KLHDC1: variants seen among roughly 807,000 people sequenced by gnomAD.
KLHDC1 encodes kelch domain-containing protein 1.
KLHDC1 carries 53 observed loss-of-function variants against 68.3 expected under a neutral mutation model. The ratio of observed to expected loss-of-function variants is 0.78; its 90% CI spans 0.62 to 0.98. KLHDC1 has a LOEUF of 0.98. Ranked by LOEUF, KLHDC1 falls within the 50% of genes least tolerant of loss-of-function variation. The probability of loss-of-function intolerance (pLI) is 0.00; values close to 1 mark genes in which losing one functional copy is unlikely to be tolerated. For missense variants in KLHDC1, 470 were observed against 492.3 expected (o/e 0.95, Z 0.43); for synonymous variants, 148 against 159.0 (o/e 0.93, Z 0.52).
intron 4 of KLHDC1, among the ~76,000 whole-genome samples, chr14:49,717,161 A>T (rs1704599041): frequency 6.6e-6 from 1 of 152,202 alleles, no homozygotes; most frequent in Non-Finnish European, 1.5e-5. Context: ...TTTGTGAATA[A>T]TGCTGCTATC....
At chr14:49,734,754 A>G (rs1387204857) in intron 10 of KLHDC1, 93 bp downstream of exon 10, 3 of 532,892 alleles carry the variant, frequency 5.6e-6, no homozygotes, top group African/African-American at 2.0e-5. Context: ...CATTGAAACC[A>G]TAAGCCATTG....
intron 10 of KLHDC1, 37 bp downstream of exon 10, chr14:49,734,698 G>T: frequency 1.6e-6 from 2 of 1,221,860 alleles, no homozygotes; most frequent in Non-Finnish European, 2.4e-6. Flanking sequence ...AAATAGTTAA[G>T]AATTTTTAAA....
intron 4 of KLHDC1, among the ~76,000 whole-genome samples, chr14:49,720,855 G>A (rs1264882383): frequency 1.3e-5 from 2 of 152,038 alleles, no homozygotes; most frequent in African/African-American, 2.4e-5. Context: ...TGTCAAGTTT[G>A]CTGTTAATTA....
In KLHDC1 at chr14:49,709,697, T is replaced by C. The variant is rs1888148091; in HGVS notation, c.168-12T>C. On this transcript the variant is annotated splice_polypyrimidine_tract_variant and intron_variant, in intron 2 of 12. Transcript: ENST00000359332. ...TGGAAAGTTATGGGATTCCATGTTA[T>C]TCTTGCTGCAGGAGAATGCACCTCA... is the stretch of plus-strand genomic sequence containing the variant. The C allele has an allele frequency of 6.8e-7, 1 of 1,478,136 alleles. No individual in the cohort carries two copies. Among genetic ancestry groups the C allele is most frequent in the Non-Finnish European group, 9.2e-7 (1 of 1,082,834 alleles). The allele number at this position is 1,478,136 out of a possible 1,614,324, so 91.6% of individuals were successfully genotyped here.
At position 49,741,310 on chromosome 14, in the gene KLHDC1, A is replaced by AT. The variant is rs1399163727; in HGVS notation, c.981+1130dup. ...TTTGTTGAAATATTCCAAGTATATT[A>AT]TTATTTTTTTTTTTTGAGACAGGAT... On this transcript the variant is annotated intron_variant, in intron 11 of 12. Coordinates refer to ENST00000359332, the MANE Select transcript of KLHDC1 (RefSeq NM_172193.3). Among the ~76,000 whole-genome samples, 317 of 145,882 alleles carry AT rather than the reference A, an allele frequency of 2.2e-3. 4 individuals are homozygous for AT. The East Asian group carries it at 0.025, about 11-fold the overall frequency.
intron 12 of KLHDC1, chr14:49,751,006 A>T (rs1378801087): frequency 2.0e-5 from 3 of 152,216 alleles, no homozygotes; most frequent in Non-Finnish European, 4.4e-5. Flanking sequence ...TCTTGAGGTG[A>T]CAGAAGCAAA....
chr14:49,734,436 ACT>A (rs1164233200), intron 9 of KLHDC1, among the ~76,000 whole-genome samples, 151 bp from the exon 10 acceptor site: 1 of 152,160 alleles, frequency 6.6e-6, no homozygotes, highest in East Asian at 1.9e-4. Context: ...TGTCATGGTC[ACT>A]CTATTTTTGT....
At chr14:49,748,410 A>G (rs1889247859) in intron 12 of KLHDC1, among the ~76,000 whole-genome samples, 1 of 152,190 alleles carries the variant, frequency 6.6e-6, no homozygotes, top group Non-Finnish European at 1.5e-5. Flanking sequence ...TAGATTTCAG[A>G]AAGTCAGAGG....
At chr14:49,707,295 TGTGAGAGAGAGA>T (rs1356377327) in intron 1 of KLHDC1, among the ~76,000 whole-genome samples, 2 of 139,880 alleles carry the variant, frequency 1.4e-5, no homozygotes, top group East Asian at 2.0e-4. Context: ...TGTGTGTGTG[TGTGAGAGAGAGA>T]GAGAGAGAGA....
intron 11 of KLHDC1, among the ~76,000 whole-genome samples, chr14:49,743,411 A>G (rs1052110261): frequency 2.8e-4 from 42 of 151,266 alleles, no homozygotes; most frequent in Non-Finnish European, 5.4e-4. Flanking sequence ...AAAAAAAAAA[A>G]AAAAAGAAAA....
chr14:49,712,179 A>C (rs181952247), intron 4 of KLHDC1, among the ~76,000 whole-genome samples: 3 of 151,824 alleles, frequency 2.0e-5, no homozygotes, highest in African/African-American at 7.2e-5. Context: ...CAGCCTCCCA[A>C]CGTGCTGGGA....
chr14:49,745,264 T>C (rs1162048468), intron 12 of KLHDC1, among the ~76,000 whole-genome samples: 1 of 152,200 alleles, frequency 6.6e-6, no homozygotes, highest in Non-Finnish European at 1.5e-5. Flanking sequence ...CCCCTTCTCT[T>C]AGCACAGTAG....
chr14:49,698,745 A>C (rs1447375527), intron 1 of KLHDC1, among the ~76,000 whole-genome samples: 1 of 149,474 alleles, frequency 6.7e-6, no homozygotes, highest in Non-Finnish European at 1.5e-5. Flanking sequence ...CAAACTCCTG[A>C]CCTTAGGCAG....
chr14:49,709,690 C>A lies in KLHDC1; in HGVS notation c.168-19C>A. 1 of 1,398,440 alleles carries A rather than the reference C, an allele frequency of 7.2e-7. No homozygotes were observed. The highest frequency in any genetic ancestry group is 9.9e-7 in the Non-Finnish European group (1 of 1,014,866). The allele number at this position is 1,398,440 out of a possible 1,614,324, so 86.6% of individuals were successfully genotyped here. Reference sequence around the variant, plus strand: ...GCCTTTCTGGAAAGTTATGGGATTCCATGTTATTCTTGCTGCAGGAGAATG... The same window carrying A: ...GCCTTTCTGGAAAGTTATGGGATTCAATGTTATTCTTGCTGCAGGAGAATG... On this transcript the variant is annotated intron_variant, in intron 2 of 12. Transcript: ENST00000359332.
intron 9 of KLHDC1, among the ~76,000 whole-genome samples, chr14:49,733,588 C>T (rs1566615096): frequency 6.6e-6 from 1 of 151,926 alleles, no homozygotes; most frequent in Non-Finnish European, 1.5e-5. Flanking sequence ...CCACCACGCT[C>T]AGCTAATTTT....
At chr14:49,721,674 C>A (rs577324867) in intron 4 of KLHDC1, among the ~76,000 whole-genome samples, 23 of 152,222 alleles carry the variant, frequency 1.5e-4, no homozygotes, top group African/African-American at 5.3e-4. Context: ...TTTTCCTTTA[C>A]TAGGGCCCCC....
At chr14:49,694,597 T>A (rs1377795804) in intron 1 of KLHDC1, among the ~76,000 whole-genome samples, 1 of 152,088 alleles carries the variant, frequency 6.6e-6, no homozygotes, top group African/African-American at 2.4e-5. Context: ...CTCACACCCG[T>A]AATCCCAGCA....
rs548365840 is a variant in KLHDC1 at position 49,704,666 on chromosome 14, G to C, written c.97-4493G>C. ...CCACCTCGGCCTCCCAAAGTGCTGG[G>C]ATTACAAGCATGAGCCACTGTGCCT... On this transcript the variant is annotated intron_variant, in intron 1 of 12. Transcript: ENST00000359332. Among the ~76,000 whole-genome samples, 449 of 152,130 alleles carry C rather than the reference G, an allele frequency of 3.0e-3. 3 individuals are homozygous for C. Among genetic ancestry groups the C allele is most frequent in the African/African-American group, 0.01 (434 of 41,502 alleles).
intron 1 of KLHDC1, among the ~76,000 whole-genome samples, chr14:49,694,011 C>T (rs1409935782): frequency 1.3e-5 from 2 of 151,888 alleles, no homozygotes; most frequent in Non-Finnish European, 2.9e-5. Flanking sequence ...CTTGGCTTCC[C>T]AAAATGCTGG....
Sources: gnomAD v4.1 joint callset for allele counts (sites outside exome capture counted in the v4.1 genomes callset) on GRCh38, gnomAD v4.1.1 for gene constraint, MANE v1.5 for transcripts, NCBI Gene and HGNC (gene_info 2026-07-23, HGNC 2026-07-21) for gene names.